Variants in SUMF1 observed in about 807,000 individuals in gnomAD.
The protein encoded by SUMF1 is formylglycine-generating enzyme.
Under a neutral mutation model 47.6 loss-of-function variants are expected in SUMF1, and 48 were observed. The ratio of observed to expected loss-of-function variants is 1.01; its 90% confidence interval spans 0.80 to 1.28. The LOEUF (loss-of-function observed/expected upper bound fraction) is 1.28. Among genes scored for constraint, SUMF1 ranks in the 50% most tolerant of loss-of-function variants. SUMF1 has a pLI of 0.00. For synonymous variants in SUMF1, 230 were observed against 192.1 expected, an observed-to-expected ratio of 1.20 and a Z score of -1.63; for missense variants, 571 against 485.4, an observed-to-expected ratio of 1.18 and a Z score of -1.66.
At chr3:4,263,336 G>A (rs1228010442) in intron 8 of SUMF1, among the ~76,000 whole-genome samples, 4 of 152,196 alleles carry the variant, frequency 2.6e-5, no homozygotes, top group Admixed American at 6.5e-5. Flanking sequence ...CTAAATCCAC[G>A]AGCATGATTC....
At chr3:4,256,847 T>C (rs866669783) in intron 8 of SUMF1, among the ~76,000 whole-genome samples, 2,750 of 141,040 alleles carry the variant, frequency 0.019, 90 homozygotes, top group African/African-American at 0.071. Context: ...TGAACATTGA[T>C]GCAAAAATCC....
intron 8 of SUMF1, among the ~76,000 whole-genome samples, chr3:4,198,430 C>G (rs1271869284): frequency 6.6e-6 from 1 of 152,134 alleles, no homozygotes; most frequent in Non-Finnish European, 1.5e-5. Flanking sequence ...AAAGTAGATA[C>G]TCCTTCCTCC....
At chr3:4,250,346 G>A (rs1345244517) in intron 8 of SUMF1, among the ~76,000 whole-genome samples, 1 of 151,348 alleles carries the variant, frequency 6.6e-6, no homozygotes, top group Admixed American at 6.6e-5. Context: ...GAAGGGAAGG[G>A]AAAGAAAGGA....
rs73119324 is a variant in SUMF1, at chr3:4,291,532, T to C, written c.1014+84798A>G. Among the ~76,000 whole-genome samples, 355 of 152,296 alleles carry C rather than the reference T, an allele frequency of 2.3e-3. 2 individuals are homozygous for C. The highest frequency in any genetic ancestry group is 7.9e-3 in the African/African-American group (327 of 41,574). Reference sequence around the variant, plus strand: ...TCCAGAAAAGGTTTGCAGTGAATAATAGATAACTTGGTTTCATGTTTAGTG... The same window carrying C: ...TCCAGAAAAGGTTTGCAGTGAATAACAGATAACTTGGTTTCATGTTTAGTG... On this transcript the variant is annotated intron_variant and NMD_transcript_variant, in intron 8 of 12. Transcript: ENST00000448413.
At chr3:4,197,228 C>T (rs111645405) in intron 8 of SUMF1, among the ~76,000 whole-genome samples, 170 of 152,260 alleles carry the variant, frequency 1.1e-3, no homozygotes, top group African/African-American at 3.7e-3. Flanking sequence ...GATCCTCCCA[C>T]CTCAGTCTCC....
At chr3:4,307,197 T>C (rs1024561713) in intron 8 of SUMF1, among the ~76,000 whole-genome samples, 26 of 152,234 alleles carry the variant, frequency 1.7e-4, no homozygotes, top group Admixed American at 1.6e-3. Context: ...TGTTACAGTA[T>C]CATACTTCAG....
intron 8 of SUMF1, among the ~76,000 whole-genome samples, chr3:4,078,763 G>C (rs529471575): frequency 1.3e-5 from 2 of 151,854 alleles, no homozygotes; most frequent in African/African-American, 4.8e-5. Context: ...ATCAAAAAAA[G>C]TTTTAAAAAT....
chr3:4,456,771 C>CGTAT (rs375727119), intron 1 of SUMF1, among the ~76,000 whole-genome samples: 3 of 7,424 alleles, frequency 4.0e-4, no homozygotes, highest in African/African-American at 1.9e-3. Flanking sequence ...TGTATATATA[C>CGTAT]ACATATATAC....
intron 8 of SUMF1, among the ~76,000 whole-genome samples, chr3:4,142,730 T>TC (rs1187680254): frequency 6.6e-6 from 1 of 151,910 alleles, no homozygotes; most frequent in East Asian, 1.9e-4. Context: ...TGCTTAAGAA[T>TC]CTCGTGAATG....
intron 1 of SUMF1, among the ~76,000 whole-genome samples, chr3:4,457,140 C>T (rs2079681323): frequency 6.7e-6 from 1 of 148,746 alleles, no homozygotes; most frequent in African/African-American, 2.5e-5. Flanking sequence ...CAGGGTTTCA[C>T]CATGTTAGCC....
chr3:4,078,927 C>G (rs1197089687), intron 8 of SUMF1, among the ~76,000 whole-genome samples: 1 of 152,028 alleles, frequency 6.6e-6, no homozygotes, highest in Admixed American at 6.6e-5. Flanking sequence ...CTCTTAAAAT[C>G]TCTTGAAGAA....
chr3:4,394,911 A>G (rs984139316), intron 7 of SUMF1, among the ~76,000 whole-genome samples: 2 of 152,202 alleles, frequency 1.3e-5, no homozygotes, highest in African/African-American at 4.8e-5. Flanking sequence ...TCCTCCTAAA[A>G]GAAGCCTCTT....
intron 6 of SUMF1, among the ~76,000 whole-genome samples, chr3:4,416,481 A>T (rs1701716360): frequency 1.3e-5 from 2 of 151,346 alleles, no homozygotes; most frequent in African/African-American, 2.5e-5. Context: ...TCTTACCTAA[A>T]TGCAATATGT....
chr3:4,199,846 G>A (rs981164013), intron 8 of SUMF1, among the ~76,000 whole-genome samples: 7 of 152,058 alleles, frequency 4.6e-5, no homozygotes, highest in Admixed American at 3.9e-4. Context: ...TTAATTGTAA[G>A]AGGTCTTTTC....
intron 9 of SUMF1, among the ~76,000 whole-genome samples, chr3:4,055,103 C>T (rs1410862556): frequency 6.6e-6 from 1 of 152,136 alleles, no homozygotes; most frequent in Non-Finnish European, 1.5e-5. Context: ...AGTGCGTTTT[C>T]TTCATGCAGT....
At chr3:4,046,868 G>A (rs942013571) in intron 9 of SUMF1, among the ~76,000 whole-genome samples, 3 of 151,550 alleles carry the variant, frequency 2.0e-5, no homozygotes, top group African/African-American at 7.3e-5. Flanking sequence ...TCACTTCACT[G>A]CTTGAAACTT....
chr3:4,045,816 G>T (rs777838564), intron 9 of SUMF1, among the ~76,000 whole-genome samples: 1 of 152,124 alleles, frequency 6.6e-6, no homozygotes, highest in Non-Finnish European at 1.5e-5. Flanking sequence ...GAGTCTGCAG[G>T]GATAGGTATC....
intron 8 of SUMF1, among the ~76,000 whole-genome samples, chr3:4,295,768 C>T (rs1341202438): frequency 6.6e-6 from 1 of 152,284 alleles, no homozygotes. Flanking sequence ...GACTTCATAA[C>T]ATTTTGAGAC....
At chr3:4,277,130 C>A (rs961756713) in intron 8 of SUMF1, among the ~76,000 whole-genome samples, 2 of 152,120 alleles carry the variant, frequency 1.3e-5, no homozygotes, top group Non-Finnish European at 2.9e-5. Context: ...CACTCCCAAT[C>A]CCCCAATCCC....
Sources: gnomAD v4.1 joint callset for allele counts (sites outside exome capture counted in the v4.1 genomes callset) on GRCh38, gnomAD v4.1.1 for gene constraint, MANE v1.5 for transcripts, NCBI Gene and HGNC (gene_info 2026-07-23, HGNC 2026-07-21) for gene names.